The following FKBP5 variants were observed in gnomAD, a reference collection of about 807,000 sequenced individuals.
The protein encoded by FKBP5 is peptidyl-prolyl cis-trans isomerase FKBP5.
A neutral mutation model predicts 50.5 loss-of-function variants in FKBP5; 23 were observed. That is an observed-to-expected ratio of 0.46 (90% CI 0.33 to 0.65). The LOEUF (loss-of-function observed/expected upper bound fraction) is 0.65. FKBP5 is among the 30% of genes least tolerant of loss of function. The pLI is 0.02. For missense variants in FKBP5, 411 were observed against 553.1 expected, an observed-to-expected ratio of 0.74 and a Z score of 2.58; for synonymous variants, 176 against 190.6, an observed-to-expected ratio of 0.92 and a Z score of 0.63.
intron 1 of FKBP5, among the ~76,000 whole-genome samples, chr6:35,685,321 T>C (rs1211582560): frequency 6.6e-6 from 1 of 152,226 alleles, no homozygotes; most frequent in Admixed American, 6.5e-5. Flanking sequence ...TAAGTGGTTA[T>C]TGTTTTAAAT....
At chr6:35,576,929 C>T (rs890065415) in intron 10 of FKBP5, 65 bp downstream of exon 10, 27 of 1,574,488 alleles carry the variant, frequency 1.7e-5, no homozygotes, top group Non-Finnish European at 2.1e-5. Flanking sequence ...TGTTCCTGTC[C>T]CCTAAAATCA....
intron 5 of FKBP5, among the ~76,000 whole-genome samples, chr6:35,612,262 G>A (rs995465665): frequency 2.6e-5 from 4 of 152,136 alleles, no homozygotes; most frequent in South Asian, 2.1e-4. Context: ...GTGGTGGCAC[G>A]TGCCTGTAGT....
chr6:35,687,479 T>C (rs1159545246), intron 1 of FKBP5, among the ~76,000 whole-genome samples: 2 of 152,344 alleles, frequency 1.3e-5, no homozygotes, highest in Admixed American at 1.3e-4. Flanking sequence ...AATTACTTTA[T>C]AATTCTCTAA....
At chr6:35,681,654 T>G (rs921927515) in intron 1 of FKBP5, among the ~76,000 whole-genome samples, 2 of 152,188 alleles carry the variant, frequency 1.3e-5, no homozygotes, top group Admixed American at 1.3e-4. Flanking sequence ...AGTCTTTTTG[T>G]GGGCATATAT....
chr6:35,663,994 T>C (rs896769994), intron 1 of FKBP5, among the ~76,000 whole-genome samples: 2 of 152,340 alleles, frequency 1.3e-5, no homozygotes, highest in East Asian at 1.9e-4. Context: ...ATACTTCTAG[T>C]GAACAGTGGA....
intron 1 of FKBP5, among the ~76,000 whole-genome samples, chr6:35,724,935 A>G (rs2151025789): frequency 6.6e-6 from 1 of 152,176 alleles, no homozygotes; most frequent in East Asian, 1.9e-4. Context: ...AAAGACCTGA[A>G]CCTCAACCTT....
intron 2 of FKBP5, among the ~76,000 whole-genome samples, chr6:35,702,705 G>A (rs1766212792): frequency 6.6e-6 from 1 of 151,912 alleles, no homozygotes; most frequent in Non-Finnish European, 1.5e-5. Context: ...ACCCGCCTCG[G>A]CCTTCCAAAG....
intron 5 of FKBP5, among the ~76,000 whole-genome samples, chr6:35,602,903 C>T (rs1441014719): frequency 1.3e-5 from 2 of 152,028 alleles, no homozygotes; most frequent in Admixed American, 6.5e-5. Context: ...AAGTATACAC[C>T]CAGCAACAAA....
intron 6 of FKBP5, among the ~76,000 whole-genome samples, chr6:35,595,177 C>T (rs898859221): frequency 3.9e-5 from 6 of 152,290 alleles, no homozygotes; most frequent in East Asian, 1.9e-4. Flanking sequence ...ACTAATGATA[C>T]AACAAACAGT....
At chr6:35,587,220 G>A in intron 7 of FKBP5, 103 bp from the exon 8 acceptor site, 1 of 1,016,066 alleles carries the variant, frequency 9.8e-7, no homozygotes, top group East Asian at 2.4e-5. Flanking sequence ...ACTCCAAACT[G>A]AAAACACTCT....
chr6:35,681,152 T>C (rs1765651862), intron 1 of FKBP5, among the ~76,000 whole-genome samples: 1 of 152,190 alleles, frequency 6.6e-6, no homozygotes, highest in African/African-American at 2.4e-5. Context: ...TTTTCAACAC[T>C]TTTTTTAGCT....
At chr6:35,728,426 G>A (rs1367920296) in intron 1 of FKBP5, 1 of 152,330 alleles carries the variant, frequency 6.6e-6, no homozygotes, top group Non-Finnish European at 1.5e-5. Context: ...CCACCTGGGA[G>A]AAGCACTCTC....
At chr6:35,600,237 G>A (rs1307596706) in intron 5 of FKBP5, among the ~76,000 whole-genome samples, 1 of 152,018 alleles carries the variant, frequency 6.6e-6, no homozygotes, top group African/African-American at 2.4e-5. Context: ...GGTTCTACAG[G>A]GAGTCTGAGG....
chr6:35,581,285 AAT>A (rs763393400), intron 8 of FKBP5: 4,624 of 378,084 alleles, frequency 0.012, 30 homozygotes, highest in African/African-American at 0.038. Flanking sequence ...ATATATATAT[AAT>A]ATATATATAT....
At chr6:35,669,905 TA>T (rs1427560032) in intron 1 of FKBP5, among the ~76,000 whole-genome samples, 3 of 152,176 alleles carry the variant, frequency 2.0e-5, no homozygotes, top group Admixed American at 6.5e-5. Context: ...AGCTCAGAGC[TA>T]AATTTAATGT....
intron 3 of FKBP5, among the ~76,000 whole-genome samples, chr6:35,634,713 ACTT>A (rs66500202): frequency 0.65 from 97,833 of 151,632 alleles, 31,978 homozygotes; most frequent in Non-Finnish European, 0.69. Flanking sequence ...TAGGGGGAAT[ACTT>A]CTTTTTTCCC....
chr6:35,583,646 C>T, intron 8 of FKBP5: 1 of 909,428 alleles, frequency 1.1e-6, no homozygotes, highest in Non-Finnish European at 1.3e-6. Flanking sequence ...TAGGATGCTA[C>T]TGGCATCTAA....
At chr6:35,597,536 CAG>C in intron 5 of FKBP5, 132 bp from the exon 6 acceptor site, 3 of 1,042,230 alleles carry the variant, frequency 2.9e-6, no homozygotes, top group Non-Finnish European at 4.0e-6. Context: ...GAGACACACA[CAG>C]TGTGTCTTGG....
chr6:35,726,351 T>G (rs1025076405), intron 1 of FKBP5, among the ~76,000 whole-genome samples: 5 of 152,140 alleles, frequency 3.3e-5, no homozygotes, highest in Non-Finnish European at 5.9e-5. Context: ...CAAGGCTGCC[T>G]CTATGCTCTG....
Sources: gnomAD v4.1 joint callset for allele counts (sites outside exome capture counted in the v4.1 genomes callset) on GRCh38, gnomAD v4.1.1 for gene constraint, MANE v1.5 for transcripts, NCBI Gene and HGNC (gene_info 2026-07-23, HGNC 2026-07-21) for gene names.